The following VPS26C variants were observed in gnomAD, a reference collection of about 807,000 sequenced individuals.
VPS26C encodes the protein VPS26 endosomal protein sorting factor C.
A neutral mutation model predicts 30.6 loss-of-function variants in VPS26C; 19 were observed. The observed-to-expected ratio is 0.62, with a 90% CI of 0.43 to 0.91. The LOEUF is 0.91. VPS26C is among the 40% of genes least tolerant of loss of function. The probability of loss-of-function intolerance (pLI) is 0.00; values close to 1 mark genes in which losing one functional copy is unlikely to be tolerated. For synonymous variants in VPS26C, 132 were observed against 151.5 expected (o/e 0.87, Z 0.95); for missense variants, 318 against 385.1 (o/e 0.83, Z 1.46).
At position 37,257,712 on chromosome 21, in the gene VPS26C, G is replaced by T. The variant is rs2086257923; in HGVS notation, c.57+9526C>A. Among the ~76,000 whole-genome samples, 1 of 152,206 alleles carries T rather than the reference G, an allele frequency of 6.6e-6. No homozygotes were observed. Among genetic ancestry groups the T allele is most frequent in the Non-Finnish European group, 1.5e-5 (1 of 68,040 alleles). Reference sequence around the variant, plus strand: ...TGCTCATGGTCAGCCCCAAGCACGGGCGGAAGAAAGGACTGGAGGGGAGGG... The same window carrying T: ...TGCTCATGGTCAGCCCCAAGCACGGTCGGAAGAAAGGACTGGAGGGGAGGG... On this transcript the variant is annotated intron_variant, in intron 1 of 7. Coordinates refer to ENST00000309117, the MANE Select transcript of VPS26C (RefSeq NM_006052.2). The surrounding 1 kb of genome is among the most constrained non-coding windows in gnomAD (Gnocchi z 4.2).
intron 3 of VPS26C, chr21:37,237,360 T>C (rs1199108106): frequency 6.6e-6 from 1 of 152,228 alleles, no homozygotes; most frequent in African/African-American, 2.4e-5. Context: ...AAAATCAATG[T>C]TCAAGATATC....
rs1043548405 is a variant in VPS26C, at chr21:37,267,104, C to T, written c.57+134G>A. 3.1e-5 allele frequency: 26 copies of T among 844,550 alleles called. No individual in the cohort carries two copies. In the Admixed American group the frequency reaches 5.3e-4, roughly 17 times the overall value. 52.3% of individuals were successfully genotyped at this position (844,550 alleles called of 1,614,324 possible). A position where few individuals can be genotyped will look rare whatever the true frequency, so the allele number is the denominator to read the frequency against. On this transcript the variant is annotated intron_variant, in intron 1 of 7. Transcript: ENST00000309117. ...GACGCACCTGGCGGGAACGCACCCA[C>T]CTTGGCGGAGACGCACCTGGCGGGA... is the stretch of plus-strand genomic sequence containing the variant.
intron 1 of VPS26C, among the ~76,000 whole-genome samples, chr21:37,247,191 A>C (rs1369267447): frequency 6.6e-6 from 1 of 152,240 alleles, no homozygotes; most frequent in Non-Finnish European, 1.5e-5. Flanking sequence ...TAAGAGACAG[A>C]GCAGATAAGA....
intron 1 of VPS26C, among the ~76,000 whole-genome samples, chr21:37,259,437 AC>A (rs1365183189): frequency 6.6e-6 from 1 of 152,176 alleles, no homozygotes; most frequent in Non-Finnish European, 1.5e-5. Context: ...GTTTTTCACA[AC>A]CATAATATTT....
chr21:37,242,812 G>A (rs1365213520), intron 1 of VPS26C, among the ~76,000 whole-genome samples: 2 of 152,182 alleles, frequency 1.3e-5, no homozygotes, highest in African/African-American at 4.8e-5. Context: ...TATGACATCA[G>A]TAAAGCCTTT....
At chr21:37,228,967 A>C (rs1348148687) in intron 5 of VPS26C, 2 of 152,390 alleles carry the variant, frequency 1.3e-5, no homozygotes, top group African/African-American at 2.4e-5. Flanking sequence ...TCCAGTGAGC[A>C]ATGATTACAC....
At chr21:37,229,680 T>C (rs1159284331) in intron 5 of VPS26C, among the ~76,000 whole-genome samples, 2 of 152,234 alleles carry the variant, frequency 1.3e-5, no homozygotes, top group Admixed American at 1.3e-4. Context: ...CTTTGAAATC[T>C]GGTCAGTATT....
intron 1 of VPS26C, among the ~76,000 whole-genome samples, chr21:37,247,792 T>C (rs2086152021): frequency 6.6e-6 from 1 of 152,250 alleles, no homozygotes; most frequent in East Asian, 1.9e-4. Flanking sequence ...ATTGTCACCT[T>C]AATATCAGAC....
rs757143569 is a variant in VPS26C at position 37,238,538 on chromosome 21, G to C, written c.273C>G (p.Ile91Met). The change falls in exon 3 of 8, where the codon ATC (isoleucine) becomes ATG (methionine). Residue 91 changes from isoleucine (I) to methionine (M), a missense_variant. By Grantham distance (10) the Ile-to-Met change is conservative (BLOSUM62 1). Coordinates refer to ENST00000309117, the MANE Select transcript of VPS26C (RefSeq NM_006052.2). ...TCAAGTGCAGAGGAAATTCAAAAGG[G>C]ATTTCTGTTTTGCCGCTGGGAAATT... ...PGKFPSGKTE[I>M]PFEFPLHLKG... 3.1e-6 allele frequency: 5 copies of C among 1,614,044 alleles called. No homozygotes were observed. Among genetic ancestry groups the C allele is most frequent in the Non-Finnish European group, 4.2e-6 (5 of 1,180,046 alleles).
intron 1 of VPS26C, among the ~76,000 whole-genome samples, chr21:37,254,111 G>A (rs566898963): frequency 2.6e-5 from 4 of 152,296 alleles, no homozygotes; most frequent in East Asian, 1.9e-4. Context: ...AGTAATGACC[G>A]TGGAACACAG....
chr21:37,259,471 C>T (rs1465198221), intron 1 of VPS26C, among the ~76,000 whole-genome samples: 1 of 152,066 alleles, frequency 6.6e-6, no homozygotes, highest in African/African-American at 2.4e-5. Context: ...TTCATGAGTA[C>T]ATGTGCCAGA....
Position 37,226,501 on chromosome 21 carries a change from C to T in VPS26C, c.812-875G>A, listed in dbSNP as rs1467757913. The T allele has an allele frequency of 6.6e-6, 1 of 152,326 alleles. No homozygotes were observed. The highest frequency in any genetic ancestry group is 1.5e-5 in the Non-Finnish European group (1 of 68,124). 9.4% of individuals were successfully genotyped at this position (152,326 alleles called of 1,614,324 possible). On this transcript the variant is annotated intron_variant, in intron 7 of 7. Coordinates refer to ENST00000309117, the MANE Select transcript of VPS26C (RefSeq NM_006052.2). The surrounding 1 kb of genome is among the most constrained non-coding windows in gnomAD (Gnocchi z 4.1). ...TCACTACATTAGAGTCCTCTGGGCA[C>T]TTCCTGCCACCACTCCCTTCAATGG...
chr21:37,258,328 G>A (rs915021708), intron 1 of VPS26C, among the ~76,000 whole-genome samples: 4 of 151,506 alleles, frequency 2.6e-5, no homozygotes, highest in African/African-American at 9.7e-5. Flanking sequence ...TCCGTGCCCT[G>A]CCATTCACCT....
chr21:37,232,667 G>A, intron 4 of VPS26C: 1 of 596,624 alleles, frequency 1.7e-6, no homozygotes, highest in Non-Finnish European at 3.0e-6. Flanking sequence ...GGGGAGAGAT[G>A]TCTTAATCTC....
intron 5 of VPS26C, chr21:37,232,119 A>T: frequency 2.1e-6 from 1 of 471,532 alleles, no homozygotes; most frequent in Non-Finnish European, 3.8e-6. Context: ...ATGATGCAGT[A>T]AAACTGAGGG....
At chr21:37,231,988 C>T (rs1265149068) in intron 5 of VPS26C, 1 of 194,544 alleles carries the variant, frequency 5.1e-6, no homozygotes, top group African/African-American at 2.3e-5. Flanking sequence ...GGGGAAGAAA[C>T]TGCAAACTAA....
At chr21:37,227,372 C>T in intron 7 of VPS26C, 1 of 439,802 alleles carries the variant, frequency 2.3e-6, no homozygotes, top group African/African-American at 2.0e-5. Flanking sequence ...CTGCCCATGT[C>T]TACACTGATG....
At chr21:37,264,130 T>C (rs778347149) in intron 1 of VPS26C, among the ~76,000 whole-genome samples, 22 of 152,242 alleles carry the variant, frequency 1.4e-4, no homozygotes, top group Non-Finnish European at 2.8e-4. Context: ...TTTTGTCAAT[T>C]GATTAATTAG....
chr21:37,238,757 G>A, intron 2 of VPS26C, 148 bp from the exon 3 acceptor site: 2 of 832,220 alleles, frequency 2.4e-6, no homozygotes, highest in Non-Finnish European at 3.7e-6. Flanking sequence ...GTCTGGAGAT[G>A]AACAGTGACT....
Sources: gnomAD v4.1 joint callset for allele counts (sites outside exome capture counted in the v4.1 genomes callset) on GRCh38, gnomAD v4.1.1 for gene constraint, Gnocchi (gnomAD v3.1) non-coding constraint, MANE v1.5 for transcripts, NCBI Gene and HGNC (gene_info 2026-07-23, HGNC 2026-07-21) for gene names.